The following PRR16 variants were observed in gnomAD, a reference collection of about 807,000 sequenced individuals.
The protein encoded by PRR16 is protein Largen.
A neutral mutation model predicts 18.2 loss-of-function variants in PRR16; 6 were observed. The ratio of observed to expected loss-of-function variants is 0.33; its 90% CI spans 0.18 to 0.65. PRR16 has a LOEUF of 0.65. PRR16 is among the 30% of genes least tolerant of loss of function. PRR16 has a pLI of 0.74. For synonymous variants in PRR16, 151 were observed against 147.8 expected (o/e 1.02, Z -0.16); for missense variants, 412 against 376.6 (o/e 1.09, Z -0.78).
the PRR16 span, among the ~76,000 whole-genome samples, chr5:120,759,861 T>G: frequency 1.6e-3 from 246 of 152,284 alleles, 1 homozygote; most frequent in Non-Finnish European, 2.7e-3. Context: ...CACTTGTTGT[T>G]AAAGTTGTTT....
chr5:120,688,266 T>C (rs779507975), downstream of PRR16, among the ~76,000 whole-genome samples: 9 of 152,124 alleles, frequency 5.9e-5, no homozygotes, highest in Non-Finnish European at 1.0e-4. Flanking sequence ...GAAGGAACAA[T>C]CAAATGAGTA....
At chr5:120,699,157 G>T in the PRR16 span, among the ~76,000 whole-genome samples, 2 of 151,974 alleles carry the variant, frequency 1.3e-5, no homozygotes, top group South Asian at 4.2e-4. Flanking sequence ...AAGGGAGAGG[G>T]CCTGAATTAT....
At chr5:120,631,470 A>T (rs1370138008) in intron 1 of PRR16, among the ~76,000 whole-genome samples, 2 of 152,094 alleles carry the variant, frequency 1.3e-5, no homozygotes, top group African/African-American at 4.8e-5. Context: ...GTGGCCTAGA[A>T]ATAGATTTGG....
the PRR16 span, among the ~76,000 whole-genome samples, chr5:120,768,148 A>G: frequency 2.4e-4 from 37 of 152,032 alleles, 1 homozygote; most frequent in South Asian, 7.0e-3. Flanking sequence ...CATAAATGAA[A>G]TAATACAATA....
the PRR16 span, chr5:120,781,185 C>CA: frequency 2.0e-5 from 3 of 151,634 alleles, no homozygotes; most frequent in African/African-American, 7.3e-5. Flanking sequence ...ATATCATAGA[C>CA]AGGAAAATAT....
At chr5:120,791,635 C>CATCT in the PRR16 span, among the ~76,000 whole-genome samples, 8,196 of 142,436 alleles carry the variant, frequency 0.058, 507 homozygotes, top group African/African-American at 0.16. Flanking sequence ...ATCCATCTAT[C>CATCT]ATCTATCTAT....
intron 1 of PRR16, among the ~76,000 whole-genome samples, chr5:120,543,034 T>C (rs1295442840): frequency 1.3e-5 from 2 of 152,186 alleles, no homozygotes; most frequent in South Asian, 2.1e-4. Flanking sequence ...GATTATTACA[T>C]TTCTGTCCTT....
downstream of PRR16, among the ~76,000 whole-genome samples, chr5:120,689,532 A>C (rs1757186046): frequency 6.6e-6 from 1 of 152,176 alleles, no homozygotes; most frequent in Non-Finnish European, 1.5e-5. Flanking sequence ...AAATACTTGA[A>C]ACTACGTTTT....
intron 1 of PRR16, among the ~76,000 whole-genome samples, chr5:120,675,418 G>C (rs1462151924): frequency 6.6e-6 from 1 of 152,132 alleles, no homozygotes; most frequent in Admixed American, 6.5e-5. Context: ...ATGTGTTCTT[G>C]TTAAATACAG....
At chr5:120,669,465 T>C (rs1031608938) in intron 1 of PRR16, among the ~76,000 whole-genome samples, 1 of 152,086 alleles carries the variant, frequency 6.6e-6, no homozygotes, top group Non-Finnish European at 1.5e-5. Flanking sequence ...ACATTAGCCT[T>C]CTGGAAAAAT....
chr5:120,605,887 G>A (rs1240656313), intron 1 of PRR16, among the ~76,000 whole-genome samples: 1 of 152,148 alleles, frequency 6.6e-6, no homozygotes, highest in East Asian at 1.9e-4. Context: ...CCTGCACTTA[G>A]TAGGGGGCCA....
At chr5:120,655,737 G>GTTTTT (rs56306392) in intron 1 of PRR16, among the ~76,000 whole-genome samples, 1 of 140,318 alleles carries the variant, frequency 7.1e-6, no homozygotes, top group Non-Finnish European at 1.6e-5. Flanking sequence ...TTTTTTTTTT[G>GTTTTT]TTTTTTTTTT....
chr5:120,703,405 C>A, the PRR16 span, among the ~76,000 whole-genome samples: 1 of 152,154 alleles, frequency 6.6e-6, no homozygotes, highest in Admixed American at 6.5e-5. Flanking sequence ...GGCTCAGAGG[C>A]CTGACATACA....
intron 1 of PRR16, among the ~76,000 whole-genome samples, chr5:120,585,845 T>A (rs1026495802): frequency 6.6e-6 from 1 of 151,956 alleles, no homozygotes; most frequent in Non-Finnish European, 1.5e-5. Flanking sequence ...CCTGTTATCT[T>A]GAAGTTTATT....
At chr5:120,641,229 T>C (rs1345092697) in intron 1 of PRR16, among the ~76,000 whole-genome samples, 1 of 152,068 alleles carries the variant, frequency 6.6e-6, no homozygotes, top group Admixed American at 6.6e-5. Flanking sequence ...AAATGCTTAT[T>C]GAAGATTATG....
At chr5:120,752,729 A>G in the PRR16 span, among the ~76,000 whole-genome samples, 38 of 151,900 alleles carry the variant, frequency 2.5e-4, no homozygotes, top group Non-Finnish European at 4.3e-4. Context: ...ATAAGTTTCT[A>G]TTTCTTCGTA....
chr5:120,487,059 A>G (rs57393373), intron 1 of PRR16, among the ~76,000 whole-genome samples: 3,737 of 152,194 alleles, frequency 0.025, 97 homozygotes, highest in African/African-American at 0.073. Context: ...GCCTTGTAGT[A>G]TAGTTTGAAG....
the PRR16 span, among the ~76,000 whole-genome samples, chr5:120,700,672 C>G: frequency 6.6e-6 from 1 of 151,968 alleles, no homozygotes; most frequent in Non-Finnish European, 1.5e-5. Context: ...GCCTGGCCAT[C>G]AATACCCACA....
Position 120,486,127 on chromosome 5 carries a change from T to C in PRR16, c.159+21482T>C, listed in dbSNP as rs914243263. On this transcript the variant is annotated intron_variant, in intron 1 of 1. Transcript: ENST00000407149. The stretch of plus-strand genomic sequence containing the variant: ...ATAAACATACATGTGCATGTGTCTT[T>C]ATAGCAGCATGATTTATAATCCTTT... 5.3e-5 allele frequency among the ~76,000 whole-genome samples: 8 copies of C among 152,344 alleles called. No individual in the cohort carries two copies. The South Asian group carries it at 1.2e-3, about 24-fold the overall frequency.
Sources: allele counts gnomAD v4.1 joint callset (sites outside exome capture counted in the v4.1 genomes callset), GRCh38; gene constraint gnomAD v4.1.1; transcripts MANE v1.5; gene names NCBI Gene and HGNC (gene_info 2026-07-23, HGNC 2026-07-21).